Variants in ZCCHC4 observed in about 807,000 individuals in gnomAD.
ZCCHC4 encodes rRNA N(6)-adenosine-methyltransferase ZCCHC4.
In ZCCHC4, 54 loss-of-function variants were observed where a neutral mutation model predicts 67.7. That is an observed-to-expected ratio of 0.80 (90% CI 0.64 to 1.00). The LOEUF is 1.00. Among genes scored for constraint, ZCCHC4 ranks in the 50% least tolerant of loss-of-function variants. The probability of loss-of-function intolerance (pLI) is 0.00; values close to 1 mark genes in which losing one functional copy is unlikely to be tolerated. For missense variants in ZCCHC4, 609 were observed against 617.0 expected (o/e 0.99, Z 0.14); for synonymous variants, 198 against 213.5 (o/e 0.93, Z 0.63).
intron 6 of ZCCHC4, among the ~76,000 whole-genome samples, chr4:25,348,422 A>G (rs1327486411): frequency 6.6e-6 from 1 of 152,182 alleles, no homozygotes; most frequent in Admixed American, 6.6e-5. Flanking sequence ...GTAGATGAGT[A>G]CAGTCAGCTC....
chr4:25,324,043 C>T (rs1397747134), intron 3 of ZCCHC4, among the ~76,000 whole-genome samples: 17 of 10,306 alleles, frequency 1.6e-3, no homozygotes, highest in Admixed American at 0.012. Flanking sequence ...GACAGAGTCT[C>T]GCTCTGCTGC....
At chr4:25,314,246 A>G (rs1201355544) in intron 2 of ZCCHC4, 82 bp downstream of exon 2, 1 of 857,992 alleles carries the variant, frequency 1.2e-6, no homozygotes, top group Non-Finnish European at 1.9e-6. Flanking sequence ...CAATAAAAAT[A>G]TGCGGTCTGA....
intron 2 of ZCCHC4, 42 bp downstream of exon 2, chr4:25,314,206 G>T: frequency 7.4e-7 from 1 of 1,358,282 alleles, no homozygotes. Flanking sequence ...TTTTTGGTAT[G>T]TGTGACAATT....
chr4:25,349,300 A>AGAACC (rs1317102815), intron 6 of ZCCHC4, among the ~76,000 whole-genome samples, 192 bp from the exon 7 acceptor site: 1 of 152,204 alleles, frequency 6.6e-6, no homozygotes, highest in African/African-American at 2.4e-5. Flanking sequence ...TGCTTATCAA[A>AGAACC]GAACCCAAAG....
At position 25,333,353 on chromosome 4, in the gene ZCCHC4, A is replaced by G. The variant is rs1719281674; in HGVS notation, c.500A>G (p.Lys167Arg). ...CAACTCCTTTATCCACTGGAAAACA[A>G]GAAGACAAATGCCCAGTATCTGTTT... Reference protein sequence around the residue: ...PSQLLYPLENKKTNAQYLFAD... With the variant: ...PSQLLYPLENRKTNAQYLFAD... The change falls in exon 4 of 13, where the codon AAG (lysine) becomes AGG (arginine). Residue 167 changes from lysine (K) to arginine (R), a missense_variant. Physicochemically the swap from Lys to Arg is conservative, Grantham distance 26. Transcript: ENST00000302874. 1 of 1,614,056 alleles carries G rather than the reference A, an allele frequency of 6.2e-7. No individual in the cohort carries two copies. The highest frequency in any genetic ancestry group is 8.5e-7 in the Non-Finnish European group (1 of 1,180,026).
intron 10 of ZCCHC4, among the ~76,000 whole-genome samples, chr4:25,364,017 A>G (rs957239849): frequency 1.3e-5 from 2 of 152,226 alleles, no homozygotes; most frequent in African/African-American, 4.8e-5. Flanking sequence ...TTTTTATTTC[A>G]TAGTTTTAAA....
intron 2 of ZCCHC4, 125 bp downstream of exon 2, chr4:25,314,289 G>A: frequency 3.2e-6 from 2 of 619,064 alleles, no homozygotes. Context: ...GAGAGATGGA[G>A]ATACTATGTT....
At chr4:25,349,470 A>C in intron 6 of ZCCHC4, 22 bp from the exon 7 acceptor site, 4 of 1,611,388 alleles carry the variant, frequency 2.5e-6, no homozygotes, top group Non-Finnish European at 3.4e-6. Context: ...CTAATTTAGA[A>C]ATGAATTTTT....
chr4:25,323,592 A>G (rs1202016902), intron 3 of ZCCHC4, among the ~76,000 whole-genome samples: 1 of 152,162 alleles, frequency 6.6e-6, no homozygotes, highest in African/African-American at 2.4e-5. Context: ...TTGAGACTGT[A>G]GGGGGAAGGA....
At chr4:25,345,488 G>T (rs2109077418) in intron 5 of ZCCHC4, 60 bp from the exon 6 acceptor site, 1 of 935,412 alleles carries the variant, frequency 1.1e-6, no homozygotes, top group Non-Finnish European at 1.6e-6. Flanking sequence ...TTAAAATTTA[G>T]TTTATATTTG....
rs371431629 is a variant in ZCCHC4, at chr4:25,361,891, C to T, written c.1044C>T (p.His348=). 251 of 1,613,480 alleles carry T rather than the reference C, an allele frequency of 1.6e-4. 1 individual carries two copies. Among genetic ancestry groups the T allele is most frequent in the African/African-American group, 4.0e-4 (30 of 74,894 alleles). The change falls in exon 9 of 13, where the codon CAC becomes CAT. Residue 348 remains histidine, a synonymous_variant. Coordinates refer to ENST00000302874, the MANE Select transcript of ZCCHC4 (RefSeq NM_024936.3). ...VDYDNHALYK[H]GKTGRKQSPV... is the part of the protein sequence containing the mutation. Reference sequence around the variant, plus strand: ...ATGATAATCATGCACTTTATAAACACGGAAAGACAGGTCGAAAACAGTCTC... The same window carrying T: ...ATGATAATCATGCACTTTATAAACATGGAAAGACAGGTCGAAAACAGTCTC...
In ZCCHC4 at chr4:25,365,081, C is replaced by T. The variant is rs754897774; in HGVS notation, c.1321C>T (p.Pro441Ser). 1 of 1,614,150 alleles carries T rather than the reference C, an allele frequency of 6.2e-7. No individual in the cohort carries two copies. The highest frequency in any genetic ancestry group is 1.7e-5 in the Admixed American group (1 of 60,020). ...TGTTCCAGATCATTCTTGTGAGGGCCCCAAACATGGCTGCTTTATTTGTGG... is the reference window on the plus strand; with the variant it reads ...TGTTCCAGATCATTCTTGTGAGGGCTCCAAACATGGCTGCTTTATTTGTGG... ...CAVPDHSCEG[P>S]KHGCFICGEL... Residue 441 changes from proline (P) to serine (S), a missense_variant, in exon 12 of 13, where the codon CCC (proline) becomes TCC (serine). Pro to Ser is a moderately conservative substitution (Grantham distance 74). Coordinates refer to ENST00000302874, the MANE Select transcript of ZCCHC4 (RefSeq NM_024936.3).
chr4:25,335,379 T>C (rs1226916095), intron 5 of ZCCHC4, among the ~76,000 whole-genome samples: 1 of 151,224 alleles, frequency 6.6e-6, no homozygotes, highest in Non-Finnish European at 1.5e-5. Flanking sequence ...ACCTAGGAGG[T>C]GGAGGTTGCA....
chr4:25,364,649 T>C (rs1444979718), intron 11 of ZCCHC4, 144 bp downstream of exon 11: 2 of 742,612 alleles, frequency 2.7e-6, no homozygotes, highest in Non-Finnish European at 4.3e-6. Context: ...ATTTTATAGT[T>C]ATCAGCATGT....
intron 8 of ZCCHC4, among the ~76,000 whole-genome samples, chr4:25,358,521 A>T (rs968028235): frequency 6.6e-6 from 1 of 152,252 alleles, no homozygotes; most frequent in Non-Finnish European, 1.5e-5. Flanking sequence ...ATACTAGACA[A>T]TGTGAATTTG....
rs75750983 is a variant in ZCCHC4 at position 25,339,349 on chromosome 4, C to T, written c.686+5361C>T. On this transcript the variant is annotated intron_variant, in intron 5 of 12. Transcript: ENST00000302874. ...TCATGTGGTAACTATGTTTACCTTC[C>T]TGGGGAACAGCCAAACTATTTTCCA... is the stretch of plus-strand genomic sequence containing the variant. 6.8e-3 allele frequency among the ~76,000 whole-genome samples: 1,030 copies of T among 152,278 alleles called. 10 individuals are homozygous for T. Among genetic ancestry groups the T allele is most frequent in the African/African-American group, 0.023 (967 of 41,550 alleles).
intron 8 of ZCCHC4, among the ~76,000 whole-genome samples, chr4:25,360,844 G>A (rs1334850795): frequency 6.6e-6 from 1 of 152,198 alleles, no homozygotes; most frequent in Non-Finnish European, 1.5e-5. Flanking sequence ...TGCTACTGCT[G>A]CCTAGACTGC....
chr4:25,332,901 T>A (rs917443344), intron 3 of ZCCHC4, among the ~76,000 whole-genome samples: 1 of 152,178 alleles, frequency 6.6e-6, no homozygotes, highest in Non-Finnish European at 1.5e-5. Context: ...GTTGTTTGAG[T>A]AATATATTAT....
At chr4:25,326,411 T>A (rs1276415553) in intron 3 of ZCCHC4, among the ~76,000 whole-genome samples, 1 of 152,250 alleles carries the variant, frequency 6.6e-6, no homozygotes, top group Admixed American at 6.5e-5. Context: ...GTCCTATATG[T>A]GTATTCACAG....
Sources: gnomAD v4.1 joint callset for allele counts (sites outside exome capture counted in the v4.1 genomes callset) on GRCh38, gnomAD v4.1.1 for gene constraint, MANE v1.5 for transcripts, NCBI Gene and HGNC (gene_info 2026-07-23, HGNC 2026-07-21) for gene names.